Variants in C12orf42 observed in about 807,000 individuals in gnomAD.
C12orf42 encodes chromosome 12 open reading frame 42.
Under a neutral mutation model 21.6 loss-of-function variants are expected in C12orf42, and 25 were observed. The ratio of observed to expected loss-of-function variants is 1.16; its 90% CI spans 0.84 to 1.62. The LOEUF (loss-of-function observed/expected upper bound fraction) is 1.62, where lower values mean the gene tolerates loss of function less well. Among genes scored for constraint, C12orf42 ranks in the 40% most tolerant of loss-of-function variants. The pLI is 0.00. For synonymous variants in C12orf42, 174 were observed against 175.0 expected (o/e 0.99, Z 0.05); for missense variants, 483 against 459.3 (o/e 1.05, Z -0.47).
the C12orf42 span, among the ~76,000 whole-genome samples, chr12:103,216,677 T>C: frequency 1.3e-5 from 2 of 152,066 alleles, no homozygotes; most frequent in Non-Finnish European, 2.9e-5. Flanking sequence ...TTTAAGATCA[T>C]TGAAGTTTAT....
At chr12:103,557,690 C>A in the C12orf42 span, 1 of 152,160 alleles carries the variant, frequency 6.6e-6, no homozygotes, top group Non-Finnish European at 1.5e-5. Flanking sequence ...AAACACTAAA[C>A]TGCTTAATGA....
chr12:103,419,465 C>T (rs186967243), intron 2 of C12orf42, among the ~76,000 whole-genome samples: 194 of 152,034 alleles, frequency 1.3e-3, no homozygotes, highest in Non-Finnish European at 2.0e-3. Context: ...AGATGGGTGA[C>T]GAGACAGGAA....
chr12:103,316,946 C>T (rs912075024), intron 4 of C12orf42, among the ~76,000 whole-genome samples: 2 of 152,196 alleles, frequency 1.3e-5, no homozygotes, highest in Non-Finnish European at 2.9e-5. Context: ...TGGGTAACCA[C>T]TTCACTTCTC....
At chr12:103,543,162 C>T in the C12orf42 span, among the ~76,000 whole-genome samples, 1 of 152,150 alleles carries the variant, frequency 6.6e-6, no homozygotes, top group Non-Finnish European at 1.5e-5. Context: ...AGAGGTGGCT[C>T]TTAAGGAGCT....
chr12:103,547,296 G>A, the C12orf42 span, among the ~76,000 whole-genome samples: 1 of 152,190 alleles, frequency 6.6e-6, no homozygotes, highest in African/African-American at 2.4e-5. Context: ...GCAGACATTT[G>A]TGGCTAGTAG....
chr12:103,242,290 G>A (rs962318173), intron 10 of C12orf42, among the ~76,000 whole-genome samples: 1 of 152,104 alleles, frequency 6.6e-6, no homozygotes, highest in East Asian at 1.9e-4. Flanking sequence ...AGTTGTGTTT[G>A]ACCTAAATTT....
intron 10 of C12orf42, among the ~76,000 whole-genome samples, chr12:103,253,918 C>A (rs1486241272): frequency 6.6e-6 from 1 of 151,842 alleles, no homozygotes; most frequent in Non-Finnish European, 1.5e-5. Context: ...TTCTCCCACT[C>A]GGTAGGTTGT....
chr12:103,324,943 A>G (rs1316450278), intron 4 of C12orf42, among the ~76,000 whole-genome samples: 2 of 152,228 alleles, frequency 1.3e-5, no homozygotes, highest in Non-Finnish European at 2.9e-5. Context: ...ATTATTGGTG[A>G]AACCCTGAAG....
chr12:103,329,206 G>A (rs1347037954), intron 4 of C12orf42, among the ~76,000 whole-genome samples: 1 of 152,088 alleles, frequency 6.6e-6, no homozygotes, highest in Non-Finnish European at 1.5e-5. Context: ...AACCCATCAG[G>A]GACACAGAGA....
chr12:103,155,748 A>C, the C12orf42 span, among the ~76,000 whole-genome samples: 1 of 134,192 alleles, frequency 7.5e-6, no homozygotes, highest in Non-Finnish European at 1.6e-5. Context: ...TGCATATGTA[A>C]ATGTGTACAA....
intron 2 of C12orf42, among the ~76,000 whole-genome samples, chr12:103,415,712 A>G (rs956398897): frequency 6.6e-6 from 1 of 152,222 alleles, no homozygotes; most frequent in African/African-American, 2.4e-5. Context: ...ATATGCTTTC[A>G]GAGTTTAATT....
chr12:103,289,196 T>A (rs1312565126), intron 4 of C12orf42, among the ~76,000 whole-genome samples: 1 of 152,172 alleles, frequency 6.6e-6, no homozygotes, highest in Non-Finnish European at 1.5e-5. Context: ...CAGATAAAAA[T>A]TCTCCCACAT....
the C12orf42 span, among the ~76,000 whole-genome samples, chr12:103,067,595 G>A: frequency 0.012 from 1,775 of 152,300 alleles, 40 homozygotes; most frequent in African/African-American, 0.04. Flanking sequence ...AGAAGTGGAA[G>A]TGGCACCACT....
chr12:103,094,011 G>A, the C12orf42 span, among the ~76,000 whole-genome samples: 1,486 of 152,286 alleles, frequency 9.8e-3, 34 homozygotes, highest in Non-Finnish European at 7.3e-3. Flanking sequence ...AGTCCAAAGT[G>A]TATTTGGCTA....
chr12:103,442,191 GACATACAT>G (rs796914262), intron 2 of C12orf42, among the ~76,000 whole-genome samples: 4 of 152,134 alleles, frequency 2.6e-5, no homozygotes, highest in African/African-American at 9.6e-5. Context: ...TATGAAATCT[GACATACAT>G]ACATTTCTCT....
chr12:103,395,301 A>AACACTAAT (rs1244110393), intron 3 of C12orf42, among the ~76,000 whole-genome samples: 2 of 152,124 alleles, frequency 1.3e-5, no homozygotes, highest in Non-Finnish European at 2.9e-5. Context: ...ATTTAGTAAG[A>AACACTAAT]ACACTAATAG....
At chr12:103,455,636 C>T (rs1345416345) in intron 2 of C12orf42, among the ~76,000 whole-genome samples, 1 of 152,104 alleles carries the variant, frequency 6.6e-6, no homozygotes, top group Non-Finnish European at 1.5e-5. Flanking sequence ...TCCTCTTCTA[C>T]TTTCATCGAT....
the C12orf42 span, among the ~76,000 whole-genome samples, chr12:103,052,497 T>C: frequency 6.6e-6 from 1 of 152,098 alleles, no homozygotes; most frequent in African/African-American, 2.4e-5. Flanking sequence ...TTTGAAAGTA[T>C]TTATTCATGA....
chr12:103,221,350 A>G, the C12orf42 span, among the ~76,000 whole-genome samples: 2,872 of 152,326 alleles, frequency 0.019, 158 homozygotes, highest in East Asian at 0.18. Flanking sequence ...AGATGAGCAC[A>G]TTGTAATTTA....
Sources: gnomAD v4.1 joint callset for allele counts (sites outside exome capture counted in the v4.1 genomes callset) on GRCh38, gnomAD v4.1.1 for gene constraint, MANE v1.5 for transcripts, NCBI Gene and HGNC (gene_info 2026-07-23, HGNC 2026-07-21) for gene names.